Variants in HSF5 observed in about 807,000 individuals in gnomAD.
The protein encoded by HSF5 is heat shock factor protein 5.
A neutral mutation model predicts 50.8 loss-of-function variants in HSF5; 5 were observed. That is an observed-to-expected ratio of 0.10 (90% CI 0.05 to 0.21). The LOEUF (loss-of-function observed/expected upper bound fraction) is 0.21. Ranked by LOEUF, HSF5 falls within the 10% of genes least tolerant of loss-of-function variation. HSF5 has a pLI of 1.00. For synonymous variants in HSF5, 307 were observed against 307.4 expected, an observed-to-expected ratio of 1.00 and a Z score of 0.02; for missense variants, 564 against 762.6, an observed-to-expected ratio of 0.74 and a Z score of 3.07.
chr17:58,445,794 ATC>A, intron 5 of HSF5, among the ~76,000 whole-genome samples: 1 of 152,298 alleles, frequency 6.6e-6, no homozygotes, highest in East Asian at 1.9e-4. Context: ...TGTTCTAGAG[ATC>A]TGTTTCAAAC....
At chr17:58,440,365 G>A (rs566086226) in intron 5 of HSF5, among the ~76,000 whole-genome samples, 8 of 152,242 alleles carry the variant, frequency 5.3e-5, no homozygotes, top group African/African-American at 1.9e-4. Flanking sequence ...ATGAACCACA[G>A]GGAAACAAGC....
At chr17:58,425,216 T>C (rs753601314) in intron 5 of HSF5, among the ~76,000 whole-genome samples, 19 of 151,884 alleles carry the variant, frequency 1.3e-4, no homozygotes, top group Non-Finnish European at 2.8e-4. Context: ...CTGACCAACA[T>C]GGTGAAACCC....
chr17:58,458,437 G>A (rs949504052), intron 5 of HSF5, among the ~76,000 whole-genome samples: 3 of 152,032 alleles, frequency 2.0e-5, no homozygotes, highest in Admixed American at 1.3e-4. Flanking sequence ...CTACAATTTC[G>A]AAGTCTGGCA....
Position 58,488,086 on chromosome 17 carries a change from C to G in HSF5, c.189G>C (p.Ala63=), listed in dbSNP as rs1202268973. The G allele has an allele frequency of 6.4e-7, 1 of 1,568,290 alleles. No individual in the cohort carries two copies. Among genetic ancestry groups the G allele is most frequent in the Non-Finnish European group, 8.6e-7 (1 of 1,160,906 alleles). The change falls in exon 1 of 6, where the codon GCG becomes GCC. Residue 63 remains alanine, a synonymous_variant. Coordinates refer to ENST00000323777, the MANE Select transcript of HSF5 (RefSeq NM_001080439.3). This position sits in a 1 kb window ranked among gnomAD's most constrained non-coding sequence, Gnocchi z 4.1. ...AGAGCTCGGGCTCGGCCCCGGCCCCCGCAGTCCCGCCACCGCCCCCCGGCC... is the reference window on the plus strand; with the variant it reads ...AGAGCTCGGGCTCGGCCCCGGCCCCGGCAGTCCCGCCACCGCCCCCCGGCC... ...PPGPGGGGGT[A]GAGAEPELFK... is the part of the protein sequence containing the mutation.
intron 5 of HSF5, among the ~76,000 whole-genome samples, chr17:58,430,259 A>G (rs1974345569): frequency 6.6e-6 from 1 of 151,966 alleles, no homozygotes; most frequent in African/African-American, 2.4e-5. Flanking sequence ...TTTTTAGTAG[A>G]TGGGGTTTTG....
intron 2 of HSF5, among the ~76,000 whole-genome samples, chr17:58,472,220 G>A (rs939674596): frequency 4.6e-5 from 7 of 152,118 alleles, no homozygotes; most frequent in African/African-American, 1.7e-4. Context: ...TGTAATCCCA[G>A]CAACTCAGGA....
At chr17:58,454,998 C>T (rs894762962) in intron 5 of HSF5, among the ~76,000 whole-genome samples, 1 of 152,016 alleles carries the variant, frequency 6.6e-6, no homozygotes, top group African/African-American at 2.4e-5. Context: ...TATAGCAATA[C>T]AAAAGACCCC....
At chr17:58,456,179 AC>A (rs1250983272) in intron 5 of HSF5, among the ~76,000 whole-genome samples, 2 of 151,610 alleles carry the variant, frequency 1.3e-5, no homozygotes, top group African/African-American at 2.4e-5. Flanking sequence ...ACACACACAC[AC>A]ACACACACAC....
At chr17:58,478,671 G>A (rs1278384700) in intron 2 of HSF5, among the ~76,000 whole-genome samples, 6 of 151,504 alleles carry the variant, frequency 4.0e-5, no homozygotes, top group Non-Finnish European at 8.8e-5. Flanking sequence ...AGACCAGCCT[G>A]TCCCACATGG....
chr17:58,455,277 CAGA>C (rs1974694116), intron 5 of HSF5, among the ~76,000 whole-genome samples: 1 of 152,060 alleles, frequency 6.6e-6, no homozygotes, highest in Non-Finnish European at 1.5e-5. Flanking sequence ...TGTCCATATG[CAGA>C]AGAAGGAAAC....
intron 5 of HSF5, among the ~76,000 whole-genome samples, chr17:58,454,961 A>G (rs1974689515): frequency 6.6e-6 from 1 of 152,218 alleles, no homozygotes; most frequent in Non-Finnish European, 1.5e-5. Flanking sequence ...TTCTTCACAG[A>G]AATAGAAAAA....
intron 1 of HSF5, 91 bp downstream of exon 1, chr17:58,487,634 G>A (rs1975204640): frequency 4.5e-6 from 6 of 1,333,506 alleles, no homozygotes; most frequent in African/African-American, 1.5e-5. Flanking sequence ...CCCATAGCGT[G>A]AGGACGTGCG....
chr17:58,463,473 A>G (rs1277158670), intron 3 of HSF5, among the ~76,000 whole-genome samples, 170 bp from the exon 4 acceptor site: 1 of 152,224 alleles, frequency 6.6e-6, no homozygotes, highest in Non-Finnish European at 1.5e-5. Context: ...CTTCAAATCT[A>G]CTGTTAGCAT....
At chr17:58,474,827 C>T (rs117190130) in intron 2 of HSF5, among the ~76,000 whole-genome samples, 7,641 of 152,196 alleles carry the variant, frequency 0.05, 280 homozygotes, top group Middle Eastern at 0.088. Context: ...AGCAATCCTC[C>T]ACCTCAGCCT....
Position 58,488,101 on chromosome 17 carries a change from GC to G in HSF5, c.173del (p.Gly58AlafsTer131), listed in dbSNP as rs1555645044. The stretch of plus-strand genomic sequence containing the variant: ...CCCCGGCCCCCGCAGTCCCGCCACC[GC>G]CCCCCGGCCCGGGCGGGCTGAGCAG... ...AELLSPPGPG[G>X]GGGTAGAGAE... On this transcript the variant is annotated frameshift_variant, in exon 1 of 6. Transcript: ENST00000323777. LOFTEE classifies it high-confidence loss of function. The surrounding 1 kb of genome is among the most constrained non-coding windows in gnomAD (Gnocchi z 4.1). 4.1e-6 allele frequency: 6 copies of G among 1,463,760 alleles called. No homozygotes were observed. The highest frequency in any genetic ancestry group is 9.1e-7 in the Non-Finnish European group (1 of 1,101,286). 90.7% of individuals were successfully genotyped at this position (1,463,760 alleles called of 1,614,324 possible). A position where few individuals can be genotyped will look rare whatever the true frequency, so the allele number is the denominator to read the frequency against.
chr17:58,453,521 G>A (rs1366411441), intron 5 of HSF5, among the ~76,000 whole-genome samples: 3 of 152,046 alleles, frequency 2.0e-5, no homozygotes, highest in East Asian at 3.9e-4. Flanking sequence ...TTGAACCTAG[G>A]AGGCAGAGGT....
At chr17:58,472,809 C>T (rs1277138217) in intron 2 of HSF5, among the ~76,000 whole-genome samples, 3 of 152,086 alleles carry the variant, frequency 2.0e-5, no homozygotes, top group African/African-American at 4.8e-5. Flanking sequence ...CCCCAGAGCC[C>T]CCAGGCTGAA....
intron 4 of HSF5, among the ~76,000 whole-genome samples, chr17:58,459,542 G>T (rs1208664847): frequency 6.6e-6 from 1 of 151,502 alleles, no homozygotes; most frequent in East Asian, 1.9e-4. Flanking sequence ...AGCTATTCGG[G>T]AGGCTGAGGC....
chr17:58,424,786 AAAACAAACAAAC>A (rs912279201), intron 5 of HSF5, among the ~76,000 whole-genome samples: 6 of 152,222 alleles, frequency 3.9e-5, no homozygotes, highest in African/African-American at 1.4e-4. Context: ...ACCCTGTCTC[AAAACAAACAAAC>A]AAACAAACAA....
Sources: allele counts gnomAD v4.1 joint callset (sites outside exome capture counted in the v4.1 genomes callset), GRCh38; gene constraint gnomAD v4.1.1; non-coding constraint Gnocchi (gnomAD v3.1); transcripts MANE v1.5; gene names NCBI Gene and HGNC (gene_info 2026-07-23, HGNC 2026-07-21).